MPRIP: variants seen among roughly 807,000 people sequenced by gnomAD.
MPRIP encodes myosin phosphatase Rho-interacting protein.
In MPRIP, 59 loss-of-function variants were observed where a neutral mutation model predicts 234.9. That is an observed-to-expected ratio of 0.25 (90% CI 0.20 to 0.31). The LOEUF is 0.31. Among genes scored for constraint, MPRIP ranks in the 10% least tolerant of loss-of-function variants. The probability of loss-of-function intolerance (pLI) is 1.00; values close to 1 mark genes in which losing one functional copy is unlikely to be tolerated. For synonymous variants in MPRIP, 1,144 were observed against 1,263.9 expected (o/e 0.91, Z 2.01); for missense variants, 2,436 against 3,071.0 (o/e 0.79, Z 4.89).
intron 21 of MPRIP, among the ~76,000 whole-genome samples, chr17:17,176,944 C>A (rs2046267438): frequency 6.6e-6 from 1 of 152,178 alleles, no homozygotes; most frequent in East Asian, 1.9e-4. Flanking sequence ...AGGCTGAAGC[C>A]CACAAGGGAG....
At chr17:17,061,728 A>C (rs1169496402) in intron 1 of MPRIP, among the ~76,000 whole-genome samples, 1 of 152,084 alleles carries the variant, frequency 6.6e-6, no homozygotes, top group Non-Finnish European at 1.5e-5. Flanking sequence ...TCTGGGGTGG[A>C]GCCTGGTGTG....
intron 1 of MPRIP, among the ~76,000 whole-genome samples, chr17:17,074,496 A>G (rs4073940): frequency 6.6e-6 from 1 of 152,220 alleles, no homozygotes; most frequent in Middle Eastern, 3.4e-3. Flanking sequence ...TATAATTCAC[A>G]TATCTTAAGA....
chr17:17,065,207 A>G (rs541411636), intron 1 of MPRIP, among the ~76,000 whole-genome samples: 10 of 152,132 alleles, frequency 6.6e-5, no homozygotes, highest in Non-Finnish European at 1.5e-4. Flanking sequence ...GTCCTTTGCA[A>G]AAGGACATTT....
intron 1 of MPRIP, among the ~76,000 whole-genome samples, chr17:17,063,638 C>T (rs1341282914): frequency 6.6e-6 from 1 of 152,212 alleles, no homozygotes; most frequent in Non-Finnish European, 1.5e-5. Context: ...GACTACCTTT[C>T]TCCCCACCCA....
chr17:17,107,389 G>C (rs1374458282), intron 3 of MPRIP, among the ~76,000 whole-genome samples: 2 of 152,244 alleles, frequency 1.3e-5, no homozygotes, highest in African/African-American at 4.8e-5. Context: ...GGGTAGATGT[G>C]GGGAGCAGGA....
intron 3 of MPRIP, among the ~76,000 whole-genome samples, chr17:17,113,978 G>A (rs905556730): frequency 2.8e-5 from 4 of 142,666 alleles, no homozygotes; most frequent in Admixed American, 1.5e-4. Context: ...CTGCAACCTC[G>A]AACTCCTGGG....
intron 1 of MPRIP, among the ~76,000 whole-genome samples, chr17:17,064,065 AGCAGAGCATACGCGGT>A (rs1164158067): frequency 6.6e-6 from 1 of 152,210 alleles, no homozygotes; most frequent in Non-Finnish European, 1.5e-5. Context: ...TGGAGAGGCC[AGCAGAGCATACGCGGT>A]GCAGCTCAGG....
At chr17:17,139,007 G>A (rs182329824) in intron 7 of MPRIP, among the ~76,000 whole-genome samples, 1 of 152,076 alleles carries the variant, frequency 6.6e-6, no homozygotes, top group East Asian at 1.9e-4. Flanking sequence ...CATTGCTTTT[G>A]CCCTCCAGGG....
chr17:17,189,667 A>G lies in MPRIP; in HGVS notation c.*4773A>G, dbSNP rs1481951045. 6.6e-6 allele frequency: 1 copy of G among 152,218 alleles called. No homozygotes were observed. Among genetic ancestry groups the G allele is most frequent in the Non-Finnish European group, 1.5e-5 (1 of 68,032 alleles). The allele number at this position is 152,218 out of a possible 1,614,324, so 9.4% of individuals were successfully genotyped here. On this transcript the variant is annotated 3_prime_UTR_variant, in exon 24 of 24. Coordinates refer to ENST00000651222, the MANE Select transcript of MPRIP (RefSeq NM_001364716.4). ...GATGAGAAGCTTCACTTTCCTGGGA[A>G]CTTCATTCGTTTTAGGGCATGAGAT...
intron 4 of MPRIP, among the ~76,000 whole-genome samples, chr17:17,130,050 A>G (rs948973582): frequency 3.9e-5 from 6 of 152,210 alleles, no homozygotes; most frequent in Admixed American, 6.5e-5. Flanking sequence ...CTGGCTTTGC[A>G]GATAGTCACA....
intron 10 of MPRIP, among the ~76,000 whole-genome samples, chr17:17,146,827 C>G (rs1384762484): frequency 6.6e-6 from 1 of 152,254 alleles, no homozygotes; most frequent in Non-Finnish European, 1.5e-5. Context: ...CATGAAGACT[C>G]AAGTTCCCTT....
chr17:17,076,116 C>T (rs917521066), intron 2 of MPRIP: 10 of 214,614 alleles, frequency 4.7e-5, no homozygotes, highest in Admixed American at 2.3e-4. Context: ...CCAATTCCTT[C>T]CATGCCAAGG....
chr17:17,144,347 G>A (rs1265735147), intron 9 of MPRIP, among the ~76,000 whole-genome samples: 3 of 152,232 alleles, frequency 2.0e-5, no homozygotes, highest in African/African-American at 7.2e-5. Context: ...TGGAGTGTGA[G>A]GAGGAGTAAG....
At chr17:17,130,442 C>A (rs1023066359) in intron 4 of MPRIP, among the ~76,000 whole-genome samples, 1 of 151,418 alleles carries the variant, frequency 6.6e-6, no homozygotes, top group Non-Finnish European at 1.5e-5. Flanking sequence ...TTTTCCCCCT[C>A]CCCTCCTCTC....
chr17:17,057,814 G>T (rs1340462230), intron 1 of MPRIP: 2 of 672,884 alleles, frequency 3.0e-6, no homozygotes, highest in East Asian at 5.4e-5. Context: ...GATCTTCACA[G>T]TTTGAAGAGC....
At chr17:17,154,119 G>GACGTCTCCTGCTCTCCAGCTCCC (rs2045672010) in intron 12 of MPRIP, among the ~76,000 whole-genome samples, 187 bp from the exon 13 acceptor site, 2 of 152,174 alleles carry the variant, frequency 1.3e-5, no homozygotes, top group African/African-American at 2.4e-5. Context: ...CCACAGCTTT[G>GACGTCTCCTGCTCTCCAGCTCCC]ACGTCTCCTG....
intron 3 of MPRIP, among the ~76,000 whole-genome samples, chr17:17,088,390 T>G (rs543744252): frequency 1.9e-4 from 29 of 152,254 alleles, no homozygotes; most frequent in African/African-American, 7.0e-4. Context: ...AGAAATGACT[T>G]TAGATATTAA....
At chr17:17,088,811 G>T (rs1252396554) in intron 3 of MPRIP, among the ~76,000 whole-genome samples, 1 of 152,224 alleles carries the variant, frequency 6.6e-6, no homozygotes, top group African/African-American at 2.4e-5. Context: ...TAGTGTCTTA[G>T]CCTCTCCTGG....
intron 7 of MPRIP, chr17:17,141,937 T>G (rs528347158): frequency 6.6e-6 from 1 of 152,474 alleles, no homozygotes; most frequent in South Asian, 2.1e-4. Flanking sequence ...TGGATAATTT[T>G]GGTTCACCAT....
Sources: allele counts gnomAD v4.1 joint callset (sites outside exome capture counted in the v4.1 genomes callset), GRCh38; gene constraint gnomAD v4.1.1; transcripts MANE v1.5; gene names NCBI Gene and HGNC (gene_info 2026-07-23, HGNC 2026-07-21).